Variants in SATB2 observed in about 807,000 individuals in gnomAD.
SATB2 encodes DNA-binding protein SATB2.
SATB2 carries 1 observed loss-of-function variant against 73.4 expected under a neutral mutation model. The observed-to-expected ratio is 0.01, with a 90% CI of 0.00 to 0.06. The LOEUF is 0.06. SATB2 is among the 10% of genes least tolerant of loss of function. The pLI, the probability that SATB2 is intolerant of heterozygous loss-of-function variation, is 1.00. For synonymous variants in SATB2, 397 were observed against 367.0 expected (o/e 1.08, Z -0.93); for missense variants, 459 against 945.8 (o/e 0.49, Z 6.75).
intron 3 of SATB2, among the ~76,000 whole-genome samples, chr2:199,406,681 G>C (rs1262905963): frequency 6.6e-6 from 1 of 152,046 alleles, no homozygotes; most frequent in Non-Finnish European, 1.5e-5. Context: ...GTTTCTCTGA[G>C]GTACCAAAGA....
intron 7 of SATB2, among the ~76,000 whole-genome samples, chr2:199,340,478 C>T (rs1688471216): frequency 6.6e-6 from 1 of 152,084 alleles, no homozygotes. Flanking sequence ...GCACATTTTG[C>T]AAAACACATC....
intron 3 of SATB2, among the ~76,000 whole-genome samples, chr2:199,404,673 C>A (rs1210008708): frequency 1.3e-5 from 2 of 151,980 alleles, no homozygotes; most frequent in East Asian, 3.9e-4. Flanking sequence ...TTGTTTTAAA[C>A]CAAAGGCTGT....
At chr2:199,287,899 C>T (rs542653717) in intron 10 of SATB2, among the ~76,000 whole-genome samples, 3 of 152,092 alleles carry the variant, frequency 2.0e-5, no homozygotes, top group African/African-American at 7.2e-5. Flanking sequence ...CACATACCCC[C>T]GAGTCTAACA....
At position 199,272,208 on chromosome 2, in the gene SATB2, A is replaced by C; in HGVS notation, c.*3T>G. 1 of 1,613,646 alleles carries C rather than the reference A, an allele frequency of 6.2e-7. No individual in the cohort carries two copies. Among genetic ancestry groups the C allele is most frequent in the Non-Finnish European group, 8.5e-7 (1 of 1,179,672 alleles). On this transcript the variant is annotated 3_prime_UTR_variant, in exon 11 of 11. Coordinates refer to ENST00000417098, the MANE Select transcript of SATB2 (RefSeq NM_001172509.2). This position sits in a 1 kb window ranked among gnomAD's most constrained non-coding sequence, Gnocchi z 6.7. ...GTATTGCTTTGCCTAGTAGAAGTTC[A>C]CATTATCTCTGGTCAATTTCGGCAG... is the stretch of plus-strand genomic sequence containing the variant.
chr2:199,294,832 A>G (rs1032036861), intron 10 of SATB2, among the ~76,000 whole-genome samples: 28 of 152,326 alleles, frequency 1.8e-4, no homozygotes, highest in Middle Eastern at 6.8e-3. Context: ...ACCTTTCCAT[A>G]TTCACATATA....
intron 6 of SATB2, among the ~76,000 whole-genome samples, chr2:199,357,458 G>T (rs1689020286): frequency 6.6e-6 from 1 of 152,060 alleles, no homozygotes; most frequent in Admixed American, 6.6e-5. Flanking sequence ...CAGGAATAAT[G>T]GCAGCCCCTA....
At chr2:199,396,930 T>C (rs561994496) in intron 3 of SATB2, 2 of 152,348 alleles carry the variant, frequency 1.3e-5, no homozygotes, top group African/African-American at 4.8e-5. Flanking sequence ...AGACAGAAGA[T>C]GCTAGTGCAT....
At position 199,272,738 on chromosome 2, in the gene SATB2, C is replaced by A; in HGVS notation, c.1741-66G>T. 1 of 1,415,104 alleles carries A rather than the reference C, an allele frequency of 7.1e-7. No homozygotes were observed. The highest frequency in any genetic ancestry group is 1.0e-6 in the Non-Finnish European group (1 of 999,404). 87.7% of individuals were successfully genotyped at this position (1,415,104 alleles called of 1,614,324 possible). ...ATTTTACCTTTCCAAAACCATCAGC[C>A]CTCTGAAATATGTGTTATCTATCTA... On this transcript the variant is annotated intron_variant, in intron 10 of 10. Coordinates refer to ENST00000417098, the MANE Select transcript of SATB2 (RefSeq NM_001172509.2). This position sits in a 1 kb window ranked among gnomAD's most constrained non-coding sequence, Gnocchi z 6.7.
At chr2:199,282,618 T>C (rs1692559670) in intron 10 of SATB2, among the ~76,000 whole-genome samples, 1 of 152,222 alleles carries the variant, frequency 6.6e-6, no homozygotes, top group African/African-American at 2.4e-5. Context: ...ATGCTAAGTA[T>C]GTAGCAGCAA....
At chr2:199,403,353 T>C (rs1476496008) in intron 3 of SATB2, among the ~76,000 whole-genome samples, 2 of 148,648 alleles carry the variant, frequency 1.3e-5, no homozygotes, top group African/African-American at 5.2e-5. Context: ...TAATATTGTA[T>C]AATATTGTAA....
intron 7 of SATB2, among the ~76,000 whole-genome samples, chr2:199,331,558 A>G (rs765514050): frequency 6.6e-6 from 1 of 152,194 alleles, no homozygotes; most frequent in Non-Finnish European, 1.5e-5. Context: ...CCCAAAGCAG[A>G]TTCTTTTCAC....
chr2:199,296,970 A>C (rs971887686), intron 10 of SATB2, among the ~76,000 whole-genome samples: 6 of 152,240 alleles, frequency 3.9e-5, no homozygotes, highest in African/African-American at 1.4e-4. Context: ...GAAAAATTTT[A>C]AATATTTGGA....
chr2:199,369,686 T>C (rs1303935883), intron 5 of SATB2, among the ~76,000 whole-genome samples: 2 of 152,252 alleles, frequency 1.3e-5, no homozygotes, highest in South Asian at 2.1e-4. Flanking sequence ...GCCCCAGACA[T>C]AGAACAGTTC....
intron 2 of SATB2, among the ~76,000 whole-genome samples, chr2:199,437,959 G>A (rs1691700461): frequency 6.6e-6 from 1 of 152,084 alleles, no homozygotes; most frequent in African/African-American, 2.4e-5. Flanking sequence ...CAAAAAAGGT[G>A]AAAGTGCTTA....
At chr2:199,459,022 C>A (rs1274105417), upstream of SATB2, among the ~76,000 whole-genome samples, 1 of 152,046 alleles carries the variant, frequency 6.6e-6, no homozygotes, top group Non-Finnish European at 1.5e-5. This position sits in a 1 kb window ranked among gnomAD's most constrained non-coding sequence, Gnocchi z 4.2. Flanking sequence ...GGATGCAGAG[C>A]GGGGTGCATC....
At chr2:199,357,405 T>G (rs1005270515) in intron 6 of SATB2, among the ~76,000 whole-genome samples, 1 of 152,186 alleles carries the variant, frequency 6.6e-6, no homozygotes, top group African/African-American at 2.4e-5. Context: ...TTATTTACAT[T>G]AAAATTCATA....
At chr2:199,365,980 G>T (rs1279480744) in intron 6 of SATB2, among the ~76,000 whole-genome samples, 1 of 152,058 alleles carries the variant, frequency 6.6e-6, no homozygotes, top group South Asian at 2.1e-4. Flanking sequence ...TCATGTTTTT[G>T]ATTAAGAAGC....
chr2:199,284,069 CA>C (rs1328193870), intron 10 of SATB2, among the ~76,000 whole-genome samples: 1 of 152,202 alleles, frequency 6.6e-6, no homozygotes, highest in African/African-American at 2.4e-5. Context: ...AAATATCTGA[CA>C]GCATTTGTTG....
intron 7 of SATB2, among the ~76,000 whole-genome samples, chr2:199,339,922 T>A (rs1418388940): frequency 6.6e-6 from 1 of 152,200 alleles, no homozygotes; most frequent in Non-Finnish European, 1.5e-5. Context: ...TATTGCTACA[T>A]ATCACTTCCT....
Sources: gnomAD v4.1 joint callset for allele counts (sites outside exome capture counted in the v4.1 genomes callset) on GRCh38, gnomAD v4.1.1 for gene constraint, Gnocchi (gnomAD v3.1) non-coding constraint, MANE v1.5 for transcripts, NCBI Gene and HGNC (gene_info 2026-07-23, HGNC 2026-07-21) for gene names.